Variants in GPC6 observed in about 807,000 individuals in gnomAD.
GPC6 encodes glypican-6.
Under a neutral mutation model 55.2 loss-of-function variants are expected in GPC6, and 14 were observed. That is an observed-to-expected ratio of 0.25 (90% CI 0.17 to 0.40). The LOEUF is 0.40. GPC6 is among the 10% of genes least tolerant of loss of function. The pLI is 1.00. For synonymous variants in GPC6, 278 were observed against 259.6 expected, an observed-to-expected ratio of 1.07 and a Z score of -0.68; for missense variants, 641 against 708.5, an observed-to-expected ratio of 0.90 and a Z score of 1.08.
intron 3 of GPC6, among the ~76,000 whole-genome samples, chr13:93,916,592 G>A (rs1417908524): frequency 6.6e-6 from 1 of 152,114 alleles, no homozygotes; most frequent in Non-Finnish European, 1.5e-5. Context: ...TGTTAATATA[G>A]TTGAAATAAC....
chr13:93,622,780 T>C (rs1879013515), intron 2 of GPC6, among the ~76,000 whole-genome samples: 1 of 152,162 alleles, frequency 6.6e-6, no homozygotes, highest in Non-Finnish European at 1.5e-5. Flanking sequence ...TTATATCTTC[T>C]AGTTATTTTG....
chr13:93,540,984 C>A (rs1430649617), intron 1 of GPC6, among the ~76,000 whole-genome samples: 1 of 152,060 alleles, frequency 6.6e-6, no homozygotes, highest in Non-Finnish European at 1.5e-5. Flanking sequence ...ATAATGTCTT[C>A]CAGTTTCATC....
At chr13:93,672,279 C>A (rs796647184) in intron 2 of GPC6, among the ~76,000 whole-genome samples, 100 of 150,412 alleles carry the variant, frequency 6.6e-4, no homozygotes, top group African/African-American at 2.4e-3. Flanking sequence ...AGAGAAATTC[C>A]AAATGTATTG....
intron 4 of GPC6, among the ~76,000 whole-genome samples, chr13:94,248,459 T>A (rs1275314479): frequency 6.6e-6 from 1 of 152,174 alleles, no homozygotes; most frequent in Non-Finnish European, 1.5e-5. Context: ...AGCCTTCTTT[T>A]TCCCTGTATA....
intron 4 of GPC6, among the ~76,000 whole-genome samples, chr13:94,033,273 A>G (rs1883206425): frequency 6.6e-6 from 1 of 152,198 alleles, no homozygotes; most frequent in African/African-American, 2.4e-5. Context: ...TGATTCTTTC[A>G]TTGTGACAGC....
At chr13:93,652,665 G>T (rs1880465296) in intron 2 of GPC6, among the ~76,000 whole-genome samples, 2 of 152,136 alleles carry the variant, frequency 1.3e-5, no homozygotes, top group South Asian at 4.1e-4. Flanking sequence ...TTCCAGGAGT[G>T]ATTTGTCATT....
intron 4 of GPC6, among the ~76,000 whole-genome samples, chr13:94,072,868 G>A (rs1024741916): frequency 1.3e-5 from 2 of 152,118 alleles, no homozygotes; most frequent in Admixed American, 6.6e-5. Context: ...TGATGCCCAC[G>A]GCCTTGCAGG....
intron 1 of GPC6, among the ~76,000 whole-genome samples, chr13:93,401,712 T>C (rs9561339): frequency 3.7e-5 from 4 of 109,544 alleles, no homozygotes; most frequent in Admixed American, 1.0e-4. Context: ...TTTTTTTTTT[T>C]AATGAGAGGC....
intron 4 of GPC6, among the ~76,000 whole-genome samples, chr13:94,245,720 GTA>G (rs1345941652): frequency 4.6e-5 from 7 of 152,138 alleles, no homozygotes; most frequent in East Asian, 3.9e-4. Context: ...ATATTTGTGT[GTA>G]TGTGTGTGTG....
intron 1 of GPC6, among the ~76,000 whole-genome samples, chr13:93,453,419 T>G (rs1035076514): frequency 6.6e-6 from 1 of 152,038 alleles, no homozygotes; most frequent in Non-Finnish European, 1.5e-5. Context: ...TACCATGTAC[T>G]GTGCACTTTA....
At chr13:93,284,175 T>C (rs1878038083) in intron 1 of GPC6, among the ~76,000 whole-genome samples, 1 of 152,196 alleles carries the variant, frequency 6.6e-6, no homozygotes, top group South Asian at 2.1e-4. Context: ...TAAAAGGGTG[T>C]AGTTTTATGG....
chr13:93,937,074 G>T (rs1878474029), intron 3 of GPC6, among the ~76,000 whole-genome samples: 1 of 152,190 alleles, frequency 6.6e-6, no homozygotes, highest in South Asian at 2.1e-4. Flanking sequence ...GAAGGCATTT[G>T]CCTTGGTTAG....
At chr13:94,288,885 A>AATATATATAATATATATATATTTGTT (rs1874740395) in intron 5 of GPC6, among the ~76,000 whole-genome samples, 1 of 33,392 alleles carries the variant, frequency 3.0e-5, no homozygotes, top group Non-Finnish European at 5.0e-5. Context: ...ATATATAACT[A>AATATATATAATATATATATATTTGTT]ATATATATAA....
At chr13:94,103,982 G>A (rs1003205285) in intron 4 of GPC6, among the ~76,000 whole-genome samples, 1 of 152,104 alleles carries the variant, frequency 6.6e-6, no homozygotes, top group Non-Finnish European at 1.5e-5. Flanking sequence ...GAATGGTATT[G>A]CCTAGGTTTT....
chr13:93,345,275 C>T (rs1308168364), intron 1 of GPC6, among the ~76,000 whole-genome samples: 2 of 152,146 alleles, frequency 1.3e-5, no homozygotes, highest in East Asian at 1.9e-4. Flanking sequence ...GAAAGACAAA[C>T]TGTTTCACAG....
At chr13:93,843,929 G>A (rs2139001511) in intron 3 of GPC6, among the ~76,000 whole-genome samples, 1 of 152,076 alleles carries the variant, frequency 6.6e-6, no homozygotes, top group South Asian at 2.1e-4. Flanking sequence ...ATCCAAATAA[G>A]CCATGTGTCA....
At chr13:93,330,252 C>A (rs995130926) in intron 1 of GPC6, among the ~76,000 whole-genome samples, 12 of 152,108 alleles carry the variant, frequency 7.9e-5, no homozygotes, top group Admixed American at 7.2e-4. Context: ...TGGTTGGGTA[C>A]AGTGGCTCAT....
intron 1 of GPC6, among the ~76,000 whole-genome samples, chr13:93,375,536 C>T (rs1390169076): frequency 6.6e-5 from 10 of 152,142 alleles, no homozygotes; most frequent in East Asian, 1.9e-4. Flanking sequence ...TGCGGGTCAC[C>T]GTAAATTCTC....
At chr13:93,220,759 T>C in the GPC6 span, among the ~76,000 whole-genome samples, 1 of 152,222 alleles carries the variant, frequency 6.6e-6, no homozygotes, top group Admixed American at 6.5e-5. Context: ...AAAGTAAATA[T>C]TTGGTTACTC....
Sources: allele counts gnomAD v4.1 joint callset (sites outside exome capture counted in the v4.1 genomes callset), GRCh38; gene constraint gnomAD v4.1.1; transcripts MANE v1.5; gene names NCBI Gene and HGNC (gene_info 2026-07-23, HGNC 2026-07-21).